SOAT1: variants seen among roughly 807,000 people sequenced by gnomAD.
SOAT1 encodes the protein sterol O-acyltransferase 1, also known as acyl-coenzyme A:cholesterol acyltransferase 1.
In SOAT1, 55 loss-of-function variants were observed where a neutral mutation model predicts 69.5. That is an observed-to-expected ratio of 0.79 (90% CI 0.64 to 0.99). The LOEUF (loss-of-function observed/expected upper bound fraction) is 0.99, where lower values mean the gene tolerates loss of function less well. Among genes scored for constraint, SOAT1 ranks in the 50% least tolerant of loss-of-function variants. SOAT1 has a pLI of 0.00. For missense variants in SOAT1, 580 were observed against 669.3 expected, an observed-to-expected ratio of 0.87 and a Z score of 1.47; for synonymous variants, 231 against 224.7, an observed-to-expected ratio of 1.03 and a Z score of -0.25.
rs1196590916 is a variant in SOAT1, at chr1:179,329,539, GAA to G, written c.178-5965_178-5964del. Among the ~76,000 whole-genome samples, 4 of 152,082 alleles carry G rather than the reference GAA, an allele frequency of 2.6e-5. No homozygotes were observed. The South Asian group carries it at 8.3e-4, about 32-fold the overall frequency. On this transcript the variant is annotated intron_variant, in intron 3 of 15. Coordinates refer to ENST00000367619, the MANE Select transcript of SOAT1 (RefSeq NM_003101.6). ...TCGAGACCAGCCTGACCAACATGGT[GAA>G]ACCCCATCTTTACTAAAAATACAAC...
In SOAT1 at chr1:179,335,603, G is replaced by A. The variant is rs201535711; in HGVS notation, c.275G>A (p.Cys92Tyr). Residue 92 changes from cysteine to tyrosine, a missense_variant, in exon 4 of 16, where the codon TGC (cysteine) becomes TAC (tyrosine). Coordinates refer to ENST00000367619, the MANE Select transcript of SOAT1 (RefSeq NM_003101.6). ...TCAGCATCATTAGATAATGGTGGGTGCGCTCTCACAACCTTTTCTGTTCTT... is the reference window on the plus strand; with the variant it reads ...TCAGCATCATTAGATAATGGTGGGTACGCTCTCACAACCTTTTCTGTTCTT... ...EKSASLDNGGCALTTFSVLEG... is the reference protein window; with the variant it reads ...EKSASLDNGGYALTTFSVLEG... The A allele has an allele frequency of 3.7e-6, 6 of 1,614,042 alleles. No homozygotes were observed. The East Asian group carries it at 8.9e-5, about 24-fold the overall frequency.
At chr1:179,337,380 G>A (rs1218404590) in intron 4 of SOAT1, among the ~76,000 whole-genome samples, 1 of 152,204 alleles carries the variant, frequency 6.6e-6, no homozygotes, top group Non-Finnish European at 1.5e-5. Flanking sequence ...GTAAACATCA[G>A]TGCAGTTTCA....
chr1:179,302,183 T>A (rs924404094), intron 1 of SOAT1, among the ~76,000 whole-genome samples: 8 of 152,182 alleles, frequency 5.3e-5, no homozygotes, highest in Non-Finnish European at 1.0e-4. Flanking sequence ...ACCCAGAAAA[T>A]GCTTTGAAAT....
chr1:179,333,687 G>A (rs1666047130), intron 3 of SOAT1, among the ~76,000 whole-genome samples: 1 of 151,866 alleles, frequency 6.6e-6, no homozygotes, highest in Non-Finnish European at 1.5e-5. Context: ...TACAAAATGG[G>A]CTGGGTGTGG....
At chr1:179,336,105 A>G (rs1210397996) in intron 4 of SOAT1, among the ~76,000 whole-genome samples, 1 of 151,220 alleles carries the variant, frequency 6.6e-6, no homozygotes, top group Non-Finnish European at 1.5e-5. Context: ...CGGGGGTTGC[A>G]GTGAGCAGAG....
chr1:179,302,586 C>T (rs1664869233), intron 1 of SOAT1, 91 bp from the exon 2 acceptor site: 2 of 734,060 alleles, frequency 2.7e-6, no homozygotes, highest in Admixed American at 2.9e-5. Context: ...GACAGTTAAA[C>T]CTCTTTCCTT....
At chr1:179,348,395 C>A (rs1441394598) in intron 12 of SOAT1, among the ~76,000 whole-genome samples, 1 of 152,070 alleles carries the variant, frequency 6.6e-6, no homozygotes, top group Non-Finnish European at 1.5e-5. Flanking sequence ...AGGTAGCCAC[C>A]ATCTCACCCT....
chr1:179,345,744 C>T (rs1317795075), intron 11 of SOAT1, among the ~76,000 whole-genome samples: 1 of 151,886 alleles, frequency 6.6e-6, no homozygotes, highest in Non-Finnish European at 1.5e-5. Flanking sequence ...GAGACGGGGT[C>T]TCCCTATGTT....
At chr1:179,295,010 CTGGGTG>C in intron 1 of SOAT1, among the ~76,000 whole-genome samples, 1 of 151,298 alleles carries the variant, frequency 6.6e-6, no homozygotes, top group Middle Eastern at 3.4e-3. Context: ...TGTGCGTTGT[CTGGGTG>C]TGAGAATGGG....
At chr1:179,308,062 T>C (rs1456840261) in intron 2 of SOAT1, among the ~76,000 whole-genome samples, 1 of 152,174 alleles carries the variant, frequency 6.6e-6, no homozygotes, top group African/African-American at 2.4e-5. Flanking sequence ...AGTGCTGATA[T>C]TACAGGCGTG....
chr1:179,308,072 G>T (rs1432694405), intron 2 of SOAT1, among the ~76,000 whole-genome samples: 1 of 152,112 alleles, frequency 6.6e-6, no homozygotes, highest in Non-Finnish European at 1.5e-5. Context: ...TTACAGGCGT[G>T]AGCCACTGCG....
rs1665933541 is a variant in SOAT1, at chr1:179,330,445, T to G, written c.178-5061T>G. ...TTGTGACTTTGGGTACAGTAAACTA[T>G]TATAGAAAGGCAAGCTGTGCCTACG... On this transcript the variant is annotated intron_variant, in intron 3 of 15. Coordinates refer to ENST00000367619, the MANE Select transcript of SOAT1 (RefSeq NM_003101.6). Among the ~76,000 whole-genome samples, 3 of 152,292 alleles carry G rather than the reference T, an allele frequency of 2.0e-5. No individual in the cohort carries two copies. In the South Asian group the frequency reaches 6.2e-4, roughly 32 times the overall value.
intron 3 of SOAT1, among the ~76,000 whole-genome samples, chr1:179,334,749 C>T (rs1666086827): frequency 6.6e-6 from 1 of 152,108 alleles, no homozygotes; most frequent in East Asian, 1.9e-4. Flanking sequence ...GGTGCGGTGG[C>T]TTGTGCCTGT....
intron 3 of SOAT1, among the ~76,000 whole-genome samples, chr1:179,329,424 G>A (rs753794964): frequency 5.3e-5 from 8 of 152,156 alleles, no homozygotes; most frequent in Non-Finnish European, 8.8e-5. Context: ...TTCAAGTAAC[G>A]CCTTCTAAAT....
chr1:179,326,390 A>G (rs1665790322), intron 3 of SOAT1, among the ~76,000 whole-genome samples: 1 of 152,074 alleles, frequency 6.6e-6, no homozygotes. Context: ...CCCCTACTAT[A>G]TACTCTATAT....
At chr1:179,319,383 C>T (rs1455507302) in intron 2 of SOAT1, among the ~76,000 whole-genome samples, 1 of 151,794 alleles carries the variant, frequency 6.6e-6, no homozygotes. Flanking sequence ...TATTCACCTG[C>T]CTCAGCCTCC....
chr1:179,325,481 A>G (rs934225157), intron 3 of SOAT1, among the ~76,000 whole-genome samples: 1 of 152,130 alleles, frequency 6.6e-6, no homozygotes, highest in African/African-American at 2.4e-5. Context: ...GTGGTTTACT[A>G]GAGTGTTTCT....
intron 13 of SOAT1, 51 bp from the exon 14 acceptor site, chr1:179,350,245 C>G (rs779314551): frequency 2.0e-6 from 3 of 1,514,540 alleles, no homozygotes; most frequent in Non-Finnish European, 2.7e-6. Context: ...ATAATCCATG[C>G]TTGCTTTAAA....
intron 3 of SOAT1, among the ~76,000 whole-genome samples, chr1:179,328,149 G>A (rs973647653): frequency 3.3e-5 from 5 of 152,152 alleles, no homozygotes; most frequent in African/African-American, 1.2e-4. Context: ...GCCCAGGCTG[G>A]TCTCAAACTC....
Sources: gnomAD v4.1 joint callset for allele counts (sites outside exome capture counted in the v4.1 genomes callset) on GRCh38, gnomAD v4.1.1 for gene constraint, MANE v1.5 for transcripts, NCBI Gene and HGNC (gene_info 2026-07-23, HGNC 2026-07-21) for gene names.